The following FREM2 variants were observed in gnomAD, a reference collection of about 807,000 sequenced individuals.
FREM2 encodes the protein FRAS1 related extracellular matrix 2.
In FREM2, 119 loss-of-function variants were observed where a neutral mutation model predicts 219.9. The observed-to-expected ratio is 0.54, with a 90% CI of 0.47 to 0.63. The LOEUF is 0.63. Ranked by LOEUF, FREM2 falls within the 30% of genes least tolerant of loss-of-function variation. FREM2 has a pLI of 0.00. For missense variants in FREM2, 4,030 were observed against 3,993.6 expected (o/e 1.01, Z -0.25); for synonymous variants, 1,562 against 1,522.8 (o/e 1.03, Z -0.60).
At chr13:38,751,070 T>C (rs1285600700) in intron 2 of FREM2, among the ~76,000 whole-genome samples, 2 of 152,176 alleles carry the variant, frequency 1.3e-5, no homozygotes, top group East Asian at 1.9e-4. Flanking sequence ...GTTGATTCCA[T>C]GTCTCAGCCA....
At chr13:38,694,351 A>G (rs985119957) in intron 1 of FREM2, among the ~76,000 whole-genome samples, 3 of 152,244 alleles carry the variant, frequency 2.0e-5, no homozygotes, top group Non-Finnish European at 2.9e-5. Context: ...AATATTGACT[A>G]GGGAAGCTGT....
chr13:38,848,528 T>G lies in FREM2; in HGVS notation c.6237T>G (p.Val2079=), dbSNP rs756074171. Residue 2079 remains valine, a synonymous_variant, in exon 8 of 24, where the codon GTT becomes GTG. Coordinates refer to ENST00000280481, the MANE Select transcript of FREM2 (RefSeq NM_207361.6). The part of the protein sequence containing the change: ...DFAPGVNMQP[V]RVVILDDLGQ... ...CACCTGGAGTCAACATGCAGCCTGT[T>G]CGTGTTGTCATTCTGGATGACCTTG... 4 of 1,614,102 alleles carry G rather than the reference T, an allele frequency of 2.5e-6. No homozygotes were observed. The Admixed American group carries it at 6.7e-5, about 27-fold the overall frequency.
At chr13:38,730,319 G>A (rs11843234) in intron 2 of FREM2, among the ~76,000 whole-genome samples, 4,201 of 152,210 alleles carry the variant, frequency 0.028, 219 homozygotes, top group African/African-American at 0.096. Flanking sequence ...ATTTCTTTTT[G>A]TTTATAAAGT....
intron 6 of FREM2, among the ~76,000 whole-genome samples, chr13:38,839,740 G>C (rs1242348241): frequency 6.6e-6 from 1 of 152,094 alleles, no homozygotes; most frequent in Admixed American, 6.5e-5. Flanking sequence ...CTTCCTGGAG[G>C]CTTTTTTTAC....
At chr13:38,839,677 C>T (rs1394061753) in intron 6 of FREM2, among the ~76,000 whole-genome samples, 1 of 152,196 alleles carries the variant, frequency 6.6e-6, no homozygotes. Flanking sequence ...TCTAGAGAGG[C>T]AGTCTGGCTA....
At chr13:38,695,411 C>T (rs1870068431) in intron 1 of FREM2, among the ~76,000 whole-genome samples, 1 of 152,066 alleles carries the variant, frequency 6.6e-6, no homozygotes, top group African/African-American at 2.4e-5. Context: ...CATATAGTTG[C>T]ATTTATGTTT....
In FREM2 at chr13:38,687,640, T is replaced by A. The variant is rs1349978365; in HGVS notation, c.296T>A (p.Val99Glu). Residue 99 changes from valine (V) to glutamate (E), a missense_variant, in exon 1 of 24, where the codon GTG becomes GAG. Physicochemically the swap from Val to Glu is moderately radical, Grantham distance 121 (BLOSUM62 -2). Coordinates refer to ENST00000280481, the MANE Select transcript of FREM2 (RefSeq NM_207361.6). Reference protein sequence around the residue: ...LDPLHDLVLQVQPGDRCAVSV... With the variant: ...LDPLHDLVLQEQPGDRCAVSV... ...CCCCTGCATGACCTGGTGTTGCAGG[T>A]GCAGCCCGGGGACCGCTGCGCGGTT... is the stretch of plus-strand genomic sequence containing the variant. The A allele has an allele frequency of 6.2e-7, 1 of 1,607,978 alleles. No homozygotes were observed.
intron 2 of FREM2, among the ~76,000 whole-genome samples, chr13:38,707,493 A>G (rs1161378566): frequency 6.6e-6 from 1 of 152,126 alleles, no homozygotes; most frequent in African/African-American, 2.4e-5. Flanking sequence ...ATTCCCAGAG[A>G]GCTCTGACTA....
At position 38,738,572 on chromosome 13, in the gene FREM2, A is replaced by T. The variant is rs1244175185; in HGVS notation, c.5264-25732A>T. ...CAGAGTGAGACTCCATCTCAAAAAA[A>T]AAAAAAAAAAAAAAAAAAAGAGAGA... is the stretch of plus-strand genomic sequence containing the variant. On this transcript the variant is annotated intron_variant, in intron 2 of 23. Coordinates refer to ENST00000280481, the MANE Select transcript of FREM2 (RefSeq NM_207361.6). 5.5e-5 allele frequency among the ~76,000 whole-genome samples: 8 copies of T among 146,564 alleles called. No individual in the cohort carries two copies. In the East Asian group the frequency reaches 5.8e-4, roughly 11 times the overall value.
chr13:38,694,692 G>GA (rs1292580316), intron 1 of FREM2, among the ~76,000 whole-genome samples: 2 of 152,036 alleles, frequency 1.3e-5, no homozygotes, highest in African/African-American at 2.4e-5. Context: ...GTTCCTAGAA[G>GA]AAAAAAATTA....
chr13:38,861,522 A>G lies in FREM2; in HGVS notation c.7611A>G (p.Thr2537=). Residue 2537 remains threonine (T), a synonymous_variant, in exon 15 of 24, where the codon ACA becomes ACG. Coordinates refer to ENST00000280481, the MANE Select transcript of FREM2 (RefSeq NM_207361.6). ...CAGGCCCTGAGGATGCAGACTACAC[A>G]AACCTTATCAAGCTCACTGTCACAA... ...RYTGPEDADY[T]NLIKLTVTMP... is the part of the protein sequence containing the mutation. 1 of 1,614,052 alleles carries G rather than the reference A, an allele frequency of 6.2e-7. No individual in the cohort carries two copies. The highest frequency in any genetic ancestry group is 2.2e-5 in the East Asian group (1 of 44,872).
chr13:38,729,380 C>A (rs531739295), intron 2 of FREM2, among the ~76,000 whole-genome samples: 5 of 152,000 alleles, frequency 3.3e-5, no homozygotes, highest in Non-Finnish European at 5.9e-5. Context: ...GATGTAATGC[C>A]ACATTGCTGT....
chr13:38,835,022 C>T (rs184903895), intron 6 of FREM2, among the ~76,000 whole-genome samples: 1 of 152,252 alleles, frequency 6.6e-6, no homozygotes, highest in East Asian at 1.9e-4. Context: ...AAGTCTTTGC[C>T]CATGCCTATG....
At chr13:38,825,283 A>C (rs1480867758) in intron 6 of FREM2, among the ~76,000 whole-genome samples, 1 of 152,076 alleles carries the variant, frequency 6.6e-6, no homozygotes, top group African/African-American at 2.4e-5. Context: ...CTGATCCATA[A>C]TAGGTGTTCA....
At chr13:38,841,457 G>T (rs1357824172) in intron 6 of FREM2, among the ~76,000 whole-genome samples, 1 of 152,062 alleles carries the variant, frequency 6.6e-6, no homozygotes, top group South Asian at 2.1e-4. Context: ...TTCTGAGTTG[G>T]AAAGTTGGAG....
chr13:38,798,541 T>C (rs1874882980), intron 6 of FREM2, among the ~76,000 whole-genome samples: 1 of 152,140 alleles, frequency 6.6e-6, no homozygotes, highest in African/African-American at 2.4e-5. Context: ...GAAGAATTGC[T>C]GTTAAGTTCT....
chr13:38,779,389 T>C (rs1309594862), intron 4 of FREM2: 1 of 145,508 alleles, frequency 6.9e-6, no homozygotes, highest in Non-Finnish European at 1.5e-5. Context: ...GAACTTGAAA[T>C]AAATTTTTTA....
rs1267579609 is a variant in FREM2, at chr13:38,883,315, G to A, written c.*2528G>A. On this transcript the variant is annotated 3_prime_UTR_variant, in exon 24 of 24. Transcript: ENST00000280481. ...GTGGGAAGAATATGGTAAATTTTTT[G>A]TTAAATAAAATAGACCCTTATGTTT... 6.6e-6 allele frequency: 1 copy of A among 151,930 alleles called. No individual in the cohort carries two copies. The highest frequency in any genetic ancestry group is 1.5e-5 in the Non-Finnish European group (1 of 67,954). The allele number at this position is 151,930 out of a possible 1,614,324, so 9.4% of individuals were successfully genotyped here.
At chr13:38,840,644 A>ATATATATATATATATATGTGTG (rs1184958401) in intron 6 of FREM2, among the ~76,000 whole-genome samples, 27 of 134,314 alleles carry the variant, frequency 2.0e-4, no homozygotes, top group African/African-American at 7.7e-4. Context: ...ATATATATAT[A>ATATATATATATATATATGTGTG]TGTGTATGTA....
Sources: allele counts gnomAD v4.1 joint callset (sites outside exome capture counted in the v4.1 genomes callset), GRCh38; gene constraint gnomAD v4.1.1; transcripts MANE v1.5; gene names NCBI Gene and HGNC (gene_info 2026-07-23, HGNC 2026-07-21).